SUFU: variants seen among roughly 807,000 people sequenced by gnomAD.
SUFU encodes suppressor of fused homolog.
SUFU carries 7 observed loss-of-function variants against 58.9 expected under a neutral mutation model. That is an observed-to-expected ratio of 0.12 (90% CI 0.07 to 0.22). The LOEUF is 0.22. SUFU is among the 10% of genes least tolerant of loss of function. The pLI is 1.00. For missense variants in SUFU, 451 were observed against 641.3 expected (o/e 0.70, Z 3.20); for synonymous variants, 232 against 254.8 (o/e 0.91, Z 0.85).
At chr10:102,557,008 A>G (rs2062987604) in intron 3 of SUFU, among the ~76,000 whole-genome samples, 1 of 151,384 alleles carries the variant, frequency 6.6e-6, no homozygotes, top group Non-Finnish European at 1.5e-5. Flanking sequence ...AGAATGGAGA[A>G]TCACTTTGAA....
intron 8 of SUFU, among the ~76,000 whole-genome samples, chr10:102,609,947 T>TC (rs1318175716): frequency 7.9e-5 from 12 of 152,272 alleles, no homozygotes; most frequent in African/African-American, 2.6e-4. Context: ...CTGTGAACAC[T>TC]CCAAGGGAAA....
intron 2 of SUFU, among the ~76,000 whole-genome samples, chr10:102,519,561 T>C (rs142723037): frequency 2.6e-3 from 398 of 150,542 alleles, no homozygotes; most frequent in African/African-American, 9.3e-3. Flanking sequence ...TGCAACCTTA[T>C]CGTAGTCATT....
intron 3 of SUFU, among the ~76,000 whole-genome samples, chr10:102,588,582 A>G (rs1334514628): frequency 6.6e-6 from 1 of 152,174 alleles, no homozygotes. Flanking sequence ...GTCTTCTTTA[A>G]GAATGTTTTG....
intron 3 of SUFU, among the ~76,000 whole-genome samples, chr10:102,585,409 C>A (rs2063326272): frequency 1.3e-5 from 2 of 152,080 alleles, no homozygotes; most frequent in Admixed American, 6.6e-5. Flanking sequence ...TATTTTGTTC[C>A]TTTTTATTGC....
At chr10:102,557,870 G>A (rs2062997456) in intron 3 of SUFU, among the ~76,000 whole-genome samples, 1 of 151,782 alleles carries the variant, frequency 6.6e-6, no homozygotes, top group South Asian at 2.1e-4. Context: ...AGGGCTTTGT[G>A]CTTTTAACTT....
intron 7 of SUFU, 104 bp from the exon 8 acceptor site, chr10:102,599,329 G>T: frequency 1.2e-6 from 1 of 860,584 alleles, no homozygotes; most frequent in Non-Finnish European, 2.0e-6. Flanking sequence ...ACTGGCCAGC[G>T]TGGTAGTTTT....
chr10:102,521,987 A>G (rs1419224251), intron 2 of SUFU, among the ~76,000 whole-genome samples: 2 of 152,210 alleles, frequency 1.3e-5, no homozygotes, highest in Non-Finnish European at 2.9e-5. Flanking sequence ...GATTCTATAA[A>G]TAACTGGGAG....
intron 8 of SUFU, among the ~76,000 whole-genome samples, chr10:102,600,737 T>G (rs2063507881): frequency 6.6e-6 from 1 of 152,156 alleles, no homozygotes; most frequent in Non-Finnish European, 1.5e-5. Flanking sequence ...CTGGTTAAAG[T>G]TGAGGCTGCC....
intron 3 of SUFU, among the ~76,000 whole-genome samples, chr10:102,563,606 A>C (rs1427417734): frequency 6.6e-6 from 1 of 151,956 alleles, no homozygotes; most frequent in East Asian, 1.9e-4. Context: ...CGGGAGGTTG[A>C]GGCTGCAGTG....
intron 1 of SUFU, 140 bp downstream of exon 1, chr10:102,504,474 G>A (rs2062297070): frequency 2.0e-6 from 3 of 1,499,058 alleles, no homozygotes; most frequent in Non-Finnish European, 9.0e-7. Flanking sequence ...TGCTGCGAGG[G>A]AAGGAGTTAA....
rs775491374 is a variant in SUFU, at chr10:102,504,178, C to A, written c.26C>A (p.Ala9Asp). Residue 9 changes from alanine (A) to aspartate (D), a missense_variant, in exon 1 of 12, where the codon GCC becomes GAC. Transcript: ENST00000369902. ...ATGGCGGAGCTGCGGCCTAGCGGCG[C>A]CCCCGGCCCCACCGCGCCCCCGGCC... MAELRPSGAPGPTAPPAPG... is the reference protein window; with the variant it reads MAELRPSGDPGPTAPPAPG... 2 of 1,544,042 alleles carry A rather than the reference C, an allele frequency of 1.3e-6. No homozygotes were observed. The highest frequency in any genetic ancestry group is 2.7e-5 in the African/African-American group (2 of 73,036).
rs2135934704 is a variant in SUFU at position 102,617,236 on chromosome 10, C to T, written c.1158-54C>T. On this transcript the variant is annotated intron_variant, in intron 9 of 11. Transcript: ENST00000369902. This position sits in a 1 kb window ranked among gnomAD's most constrained non-coding sequence, Gnocchi z 4.4. Reference sequence around the variant, plus strand: ...CAGAGCCTTGGCCAGGCCTGCTGTGCTTGGAACTGTTTCCAAGCCCAGCTC... The same window carrying T: ...CAGAGCCTTGGCCAGGCCTGCTGTGTTTGGAACTGTTTCCAAGCCCAGCTC... The T allele has an allele frequency of 6.2e-7, 1 of 1,613,440 alleles. No individual in the cohort carries two copies. The highest frequency in any genetic ancestry group is 1.1e-5 in the South Asian group (1 of 91,002).
chr10:102,604,416 C>T (rs546396009), intron 8 of SUFU, among the ~76,000 whole-genome samples: 1 of 152,298 alleles, frequency 6.6e-6, no homozygotes, highest in South Asian at 2.1e-4. Flanking sequence ...GTTCTTTGCT[C>T]CGCTTCCCCA....
rs143693745 is a variant in SUFU at position 102,518,070 on chromosome 10, C to G, written c.317+8767C>G. On this transcript the variant is annotated intron_variant, in intron 2 of 11. Transcript: ENST00000369902. Reference sequence around the variant, plus strand: ...GACTTTGAGGCTCTCTCCCCTCATCCTGTGATCTTCAGTGTTCCAAGAAAC... The same window carrying G: ...GACTTTGAGGCTCTCTCCCCTCATCGTGTGATCTTCAGTGTTCCAAGAAAC... Among the ~76,000 whole-genome samples the G allele has an allele frequency of 6.6e-5, 10 of 152,308 alleles. No homozygotes were observed. In the East Asian group the frequency reaches 1.7e-3, roughly 26 times the overall value.
Position 102,617,563 on chromosome 10 carries a change from T to C in SUFU, c.1296+135T>C. On this transcript the variant is annotated intron_variant, in intron 10 of 11. Coordinates refer to ENST00000369902, the MANE Select transcript of SUFU (RefSeq NM_016169.4). This position sits in a 1 kb window ranked among gnomAD's most constrained non-coding sequence, Gnocchi z 4.4. ...ATGAATGCCTCATGGATTCAGGGCC[T>C]GGGGCCTGTGTGTAGGTATGGAGTG... 1 of 1,252,270 alleles carries C rather than the reference T, an allele frequency of 8.0e-7. No individual in the cohort carries two copies. Among genetic ancestry groups the C allele is most frequent in the Non-Finnish European group, 1.2e-6 (1 of 868,836 alleles). The allele number at this position is 1,252,270 out of a possible 1,614,324, so 77.6% of individuals were successfully genotyped here. A position where few individuals can be genotyped will look rare whatever the true frequency, so the allele number is the denominator to read the frequency against.
chr10:102,597,517 C>A (rs2063475609), intron 7 of SUFU, among the ~76,000 whole-genome samples: 1 of 152,266 alleles, frequency 6.6e-6, no homozygotes, highest in African/African-American at 2.4e-5. Flanking sequence ...AAATGCATCA[C>A]CAGCAGGCAC....
chr10:102,599,098 A>C (rs1296029386), intron 7 of SUFU, among the ~76,000 whole-genome samples: 1 of 152,160 alleles, frequency 6.6e-6, no homozygotes, highest in African/African-American at 2.4e-5. Context: ...CAGAATCCCC[A>C]GTAGTCAGTC....
chr10:102,589,447 T>TTTTTTTTC (rs2063372435), intron 3 of SUFU, among the ~76,000 whole-genome samples: 1 of 115,112 alleles, frequency 8.7e-6, no homozygotes, highest in Non-Finnish European at 1.8e-5. Flanking sequence ...TCTTTCTTTT[T>TTTTTTTTC]TTTTTTTTTT....
In SUFU at chr10:102,550,204, T is replaced by A. The variant is rs2062898497; in HGVS notation, c.454+98T>A. On this transcript the variant is annotated intron_variant, in intron 3 of 11. Coordinates refer to ENST00000369902, the MANE Select transcript of SUFU (RefSeq NM_016169.4). ...ATATTTTGATGTTTGTGGAGTGGCC[T>A]TTCCTGGGAGTACTATGCCCCAATT... is the stretch of plus-strand genomic sequence containing the variant. 1.9e-6 allele frequency: 3 copies of A among 1,552,136 alleles called. No individual in the cohort carries two copies. The African/African-American group carries it at 4.1e-5, about 21-fold the overall frequency.
Sources: gnomAD v4.1 joint callset for allele counts (sites outside exome capture counted in the v4.1 genomes callset) on GRCh38, gnomAD v4.1.1 for gene constraint, Gnocchi (gnomAD v3.1) non-coding constraint, MANE v1.5 for transcripts, NCBI Gene and HGNC (gene_info 2026-07-23, HGNC 2026-07-21) for gene names.